Variants in DMD observed in about 807,000 individuals in gnomAD.
The protein encoded by DMD is mutant dystrophin.
A neutral mutation model predicts 330.1 loss-of-function variants in DMD; 63 were observed. The observed-to-expected ratio is 0.19, with a 90% CI of 0.16 to 0.24. The LOEUF (loss-of-function observed/expected upper bound fraction) is 0.24, where lower values mean the gene tolerates loss of function less well. DMD is among the 10% of genes least tolerant of loss of function. The probability of loss-of-function intolerance (pLI) is 1.00; values close to 1 mark genes in which losing one functional copy is unlikely to be tolerated. For synonymous variants in DMD, 1,223 were observed against 959.8 expected, an observed-to-expected ratio of 1.27 and a Z score of -5.07; for missense variants, 3,344 against 2,684.1, an observed-to-expected ratio of 1.25 and a Z score of -5.43.
intron 54 of DMD, among the ~76,000 whole-genome samples, chrX:31,651,987 C>T (rs1286266514): frequency 8.9e-6 from 1 of 111,880 alleles, no homozygotes; most frequent in Admixed American, 9.5e-5. Flanking sequence ...CCTAAAAGGC[C>T]AATATAATCA....
intron 52 of DMD, among the ~76,000 whole-genome samples, chrX:31,726,275 A>G (rs1332586858): frequency 1.8e-5 from 2 of 112,382 alleles, no homozygotes; most frequent in Non-Finnish European, 3.8e-5. Context: ...TTTAACATGA[A>G]TATTTCTAGT....
At chrX:32,595,899 G>A (rs1400965919) in intron 12 of DMD, 23 bp from the exon 13 acceptor site, 1 of 1,158,051 alleles carries the variant, frequency 8.6e-7, no homozygotes, top group East Asian at 3.0e-5. Context: ...ATGTTTTAAA[G>A]GAAATTAAAA....
chrX:31,665,997 T>C (rs1179476682), intron 53 of DMD, among the ~76,000 whole-genome samples: 1 of 111,590 alleles, frequency 9.0e-6, no homozygotes, highest in African/African-American at 3.3e-5. Context: ...ATTTGCTGAC[T>C]TTATTAAAAG....
chrX:31,539,964 G>A (rs1190722341), intron 55 of DMD, among the ~76,000 whole-genome samples: 1 of 111,463 alleles, frequency 9.0e-6, no homozygotes, highest in East Asian at 2.8e-4. Flanking sequence ...CTTCTTAGGG[G>A]TGGGAGGGGT....
intron 52 of DMD, among the ~76,000 whole-genome samples, chrX:31,702,061 CA>C (rs765826784): frequency 7.3e-4 from 82 of 111,974 alleles, no homozygotes; most frequent in African/African-American, 2.5e-3. Context: ...CAGTACCTGC[CA>C]ATTGACGAAC....
chrX:33,183,528 C>A (rs1382423993), intron 1 of DMD, among the ~76,000 whole-genome samples: 1 of 111,535 alleles, frequency 9.0e-6, no homozygotes, highest in Non-Finnish European at 1.9e-5. Context: ...GGTAGGCAAT[C>A]AGCCAAATCT....
intron 49 of DMD, among the ~76,000 whole-genome samples, chrX:31,832,339 A>T (rs923118780): frequency 8.9e-6 from 1 of 112,053 alleles, no homozygotes; most frequent in African/African-American, 3.2e-5. Context: ...GGAAGTTTTT[A>T]AAAATGTTAA....
intron 44 of DMD, among the ~76,000 whole-genome samples, chrX:32,155,704 A>AG (rs2096826910): frequency 9.0e-6 from 1 of 111,590 alleles, no homozygotes; most frequent in Non-Finnish European, 1.9e-5. Context: ...ATACGGTAAC[A>AG]AACCAGAGAC....
intron 44 of DMD, among the ~76,000 whole-genome samples, chrX:32,057,610 A>G (rs894766854): frequency 3.6e-5 from 4 of 112,088 alleles, no homozygotes; most frequent in Non-Finnish European, 3.8e-5. Flanking sequence ...AAAGAAATTG[A>G]AGATGACAAA....
intron 53 of DMD, among the ~76,000 whole-genome samples, chrX:31,670,703 T>C (rs1409456948): frequency 9.0e-6 from 1 of 111,699 alleles, no homozygotes; most frequent in Non-Finnish European, 1.9e-5. Context: ...AACTGTAACA[T>C]CACATGGTGT....
intron 41 of DMD, among the ~76,000 whole-genome samples, chrX:32,321,867 A>G: frequency 8.9e-6 from 1 of 111,829 alleles, no homozygotes; most frequent in Non-Finnish European, 1.9e-5. Context: ...TACAAGTAGT[A>G]TACTAGAAGA....
intron 51 of DMD, among the ~76,000 whole-genome samples, chrX:31,766,406 G>A (rs1464564118): frequency 9.0e-6 from 1 of 111,471 alleles, no homozygotes; most frequent in Non-Finnish European, 1.9e-5. Context: ...CTACAGGCAT[G>A]CGCCACCACG....
intron 44 of DMD, among the ~76,000 whole-genome samples, chrX:32,148,945 A>G (rs2096791439): frequency 8.9e-6 from 1 of 111,944 alleles, no homozygotes; most frequent in South Asian, 3.8e-4. Context: ...TCACTTGGCT[A>G]CTGTCTTTAC....
intron 60 of DMD, among the ~76,000 whole-genome samples, chrX:31,385,243 G>A (rs1056654920): frequency 9.8e-5 from 11 of 111,762 alleles, no homozygotes; most frequent in African/African-American, 3.6e-4. Context: ...TTCAACGGCA[G>A]TAGGAAGGGA....
chrX:31,785,989 T>G (rs1373234944), intron 50 of DMD, among the ~76,000 whole-genome samples: 3 of 111,851 alleles, frequency 2.7e-5, no homozygotes, highest in African/African-American at 9.8e-5. Context: ...CTGAGTTAAA[T>G]GGTATTTCTG....
At chrX:32,621,651 A>G (rs1386421458) in intron 11 of DMD, among the ~76,000 whole-genome samples, 3 of 110,399 alleles carry the variant, frequency 2.7e-5, no homozygotes, top group Non-Finnish European at 5.7e-5. Flanking sequence ...TAAGTGGGAT[A>G]CAGAAACATC....
chrX:33,212,923 T>C (rs923704611), upstream of DMD, among the ~76,000 whole-genome samples: 1 of 111,792 alleles, frequency 8.9e-6, no homozygotes, highest in African/African-American at 3.2e-5. Flanking sequence ...TCAGTGTCCC[T>C]CTATGCTGTG....
At chrX:31,512,475 G>A (rs1247992854) in intron 55 of DMD, among the ~76,000 whole-genome samples, 11 of 100,189 alleles carry the variant, frequency 1.1e-4, no homozygotes, top group African/African-American at 3.3e-4. Context: ...TAGGTCTAAC[G>A]TTTAAGTCTT....
At chrX:32,237,450 C>T (rs1011279504) in intron 43 of DMD, among the ~76,000 whole-genome samples, 1 of 110,971 alleles carries the variant, frequency 9.0e-6, no homozygotes, top group Non-Finnish European at 1.9e-5. Context: ...GCTGTTGTTA[C>T]AGGATCTCCT....
Sources: allele counts gnomAD v4.1 joint callset (sites outside exome capture counted in the v4.1 genomes callset), GRCh38; gene constraint gnomAD v4.1.1; transcripts MANE v1.5; gene names NCBI Gene and HGNC (gene_info 2026-07-23, HGNC 2026-07-21).